The following PIR variants were observed in gnomAD, a reference collection of about 807,000 sequenced individuals.
PIR encodes pirin (iron-binding nuclear protein).
PIR carries 22 observed loss-of-function variants against 24.2 expected under a neutral mutation model. The ratio of observed to expected loss-of-function variants is 0.91; its 90% CI spans 0.65 to 1.30. The LOEUF is 1.30. PIR is among the 50% of genes most tolerant of loss of function. The pLI, the probability that PIR is intolerant of heterozygous loss-of-function variation, is 0.00. For missense variants in PIR, 220 were observed against 220.3 expected (o/e 1.00, Z 0.01); for synonymous variants, 80 against 79.6 (o/e 1.00, Z -0.03).
chrX:15,393,509 G>C (rs970884868), intron 8 of PIR, among the ~76,000 whole-genome samples: 1 of 110,911 alleles, frequency 9.0e-6, no homozygotes, highest in African/African-American at 3.3e-5. Context: ...TTAGGAACTG[G>C]GCTGCACAAC....
At chrX:15,471,667 T>C (rs2147073309) in intron 3 of PIR, among the ~76,000 whole-genome samples, 1 of 112,065 alleles carries the variant, frequency 8.9e-6, no homozygotes, top group East Asian at 2.8e-4. Flanking sequence ...ACTTATTGGT[T>C]AAGGCCTTAC....
intron 6 of PIR, among the ~76,000 whole-genome samples, chrX:15,410,954 T>A (rs1486807053): frequency 1.8e-5 from 2 of 112,660 alleles, no homozygotes; most frequent in African/African-American, 6.5e-5. Flanking sequence ...GAATGCTTAC[T>A]ATATGTTTAA....
At chrX:15,419,343 C>CTG (rs34664851) in intron 6 of PIR, among the ~76,000 whole-genome samples, 29,844 of 77,956 alleles carry the variant, frequency 0.38, 5,605 homozygotes, top group Non-Finnish European at 0.48. Context: ...ATGGATAAGT[C>CTG]TGTGTGTGTG....
Position 15,472,966 on chromosome X carries a change from A to G in PIR, c.189+6763T>C, listed in dbSNP as rs1018920695. Reference sequence around the variant, plus strand: ...CCCACAATAAACTTGGCAATAAGCCATTTAAAAAAGAAAAAAGGCATAGTT... The same window carrying G: ...CCCACAATAAACTTGGCAATAAGCCGTTTAAAAAAGAAAAAAGGCATAGTT... On this transcript the variant is annotated intron_variant, in intron 3 of 9. Transcript: ENST00000380420. 3.6e-5 allele frequency among the ~76,000 whole-genome samples: 4 copies of G among 112,519 alleles called. No homozygotes were observed. The East Asian group carries it at 1.1e-3, about 31-fold the overall frequency.
intron 1 of PIR, among the ~76,000 whole-genome samples, chrX:15,492,220 T>C (rs73635097): frequency 0.046 from 5,106 of 110,513 alleles, 308 homozygotes; most frequent in African/African-American, 0.15. Flanking sequence ...TCGAGGGTCA[T>C]TGAATTCAAA....
intron 3 of PIR, chrX:15,478,309 G>A (rs1465751214): frequency 8.9e-6 from 1 of 112,008 alleles, no homozygotes; most frequent in African/African-American, 3.2e-5. Flanking sequence ...AATATAATGC[G>A]ATGAGGACCA....
chrX:15,416,044 T>G (rs1340120839), intron 6 of PIR, among the ~76,000 whole-genome samples: 1 of 110,343 alleles, frequency 9.1e-6, no homozygotes, highest in Non-Finnish European at 1.9e-5. Flanking sequence ...ATTCAGAATA[T>G]ATAAAGAGCT....
chrX:15,484,306 CTTTTTT>C (rs1193474348), intron 2 of PIR, among the ~76,000 whole-genome samples: 11 of 67,482 alleles, frequency 1.6e-4, no homozygotes, highest in East Asian at 5.3e-4. Flanking sequence ...TCTCAATTTT[CTTTTTT>C]TTTTTTTTTT....
At chrX:15,396,495 G>A (rs3829997) in intron 8 of PIR, among the ~76,000 whole-genome samples, 53,745 of 110,129 alleles carry the variant, frequency 0.49, 9,945 homozygotes, top group Non-Finnish European at 0.59. Flanking sequence ...AGGAGCTTTT[G>A]CACAATTTTC....
At chrX:15,442,671 T>A (rs1024699643) in intron 5 of PIR, among the ~76,000 whole-genome samples, 2 of 112,077 alleles carry the variant, frequency 1.8e-5, no homozygotes, top group African/African-American at 6.5e-5. Context: ...TAATTGCTGA[T>A]ATGGAGAAAG....
intron 5 of PIR, among the ~76,000 whole-genome samples, chrX:15,451,400 GAA>G (rs75275359): frequency 1.0e-5 from 1 of 97,090 alleles, no homozygotes; most frequent in Non-Finnish European, 2.1e-5. Context: ...CACATTTAAA[GAA>G]AAAAAAAAAA....
rs191300075 is a variant in PIR, at chrX:15,411,911, C to T, written c.566-4361G>A. ...TTCACCTAGATTCCCCCAAAGCTAACATGTTAACATATATGCTTTATCATT... is the reference window on the plus strand; with the variant it reads ...TTCACCTAGATTCCCCCAAAGCTAATATGTTAACATATATGCTTTATCATT... On this transcript the variant is annotated intron_variant, in intron 6 of 9. Transcript: ENST00000380420. 4.2e-3 allele frequency among the ~76,000 whole-genome samples: 469 copies of T among 112,450 alleles called. 2 individuals carry two copies. The highest frequency in any genetic ancestry group is 0.015 in the African/African-American group (453 of 31,013).
At chrX:15,406,310 T>C (rs1020943099) in intron 7 of PIR, among the ~76,000 whole-genome samples, 1 of 112,258 alleles carries the variant, frequency 8.9e-6, no homozygotes, top group African/African-American at 3.2e-5. Context: ...ACAAGGAATT[T>C]ATCTGGGAGA....
chrX:15,407,609 C>T lies in PIR; in HGVS notation c.566-59G>A. On this transcript the variant is annotated intron_variant, in intron 6 of 9. Coordinates refer to ENST00000380420, the MANE Select transcript of PIR (RefSeq NM_001018109.3). ...TCCATAATGCCAAAAGGAACAAAGA[C>T]ATATACGTATTACAAACACAAAGAT... 4.8e-6 allele frequency: 4 copies of T among 827,725 alleles called. No homozygotes were observed. The South Asian group carries it at 8.5e-5, about 17-fold the overall frequency. 68.2% of individuals were successfully genotyped at this position (827,725 alleles called of 1,213,427 possible). A position where few individuals can be genotyped will look rare whatever the true frequency, so the allele number is the denominator to read the frequency against.
At chrX:15,482,465 T>A (rs1355256588) in intron 2 of PIR, among the ~76,000 whole-genome samples, 1 of 60,592 alleles carries the variant, frequency 1.7e-5, no homozygotes, top group Non-Finnish European at 2.9e-5. Context: ...TTTTTAAACA[T>A]GAATGGATGT....
In PIR at chrX:15,402,791, T is replaced by C. The variant is rs112542851; in HGVS notation, c.610+4715A>G. 1.2e-3 allele frequency among the ~76,000 whole-genome samples: 136 copies of C among 111,865 alleles called. 2 individuals are homozygous for C. The highest frequency in any genetic ancestry group is 4.1e-3 in the African/African-American group (127 of 30,825). On this transcript the variant is annotated intron_variant, in intron 7 of 9. Transcript: ENST00000380420. ...AAGAACTGAGAACATATGATGTTTG[T>C]CTTTCCGTGTCAAAGGCATTTCCTT...
At chrX:15,464,371 C>T (rs1921449601) in intron 3 of PIR, 1 of 742,567 alleles carries the variant, frequency 1.3e-6, no homozygotes, top group Non-Finnish European at 1.6e-6. Context: ...ACAATGGAAA[C>T]AACTTTTTTG....
intron 1 of PIR, among the ~76,000 whole-genome samples, chrX:15,492,490 A>G (rs1923216107): frequency 8.9e-6 from 1 of 111,896 alleles, no homozygotes. Flanking sequence ...CAGTACCCCC[A>G]ATCCCTTAAA....
rs985432719 is a variant in PIR at position 15,428,335 on chromosome X, G to T, written c.481-2345C>A. Among the ~76,000 whole-genome samples, 7 of 111,592 alleles carry T rather than the reference G, an allele frequency of 6.3e-5. No individual in the cohort carries two copies. In the Admixed American group the frequency reaches 6.7e-4, roughly 11 times the overall value. ...AAAGGGGCTGGTTTTGTCTGATGAG[G>T]ACTTCTAAAATTACCTCTAAAAAGA... On this transcript the variant is annotated intron_variant, in intron 5 of 9. Transcript: ENST00000380420.
Sources: allele counts gnomAD v4.1 joint callset (sites outside exome capture counted in the v4.1 genomes callset), GRCh38; gene constraint gnomAD v4.1.1; transcripts MANE v1.5; gene names NCBI Gene and HGNC (gene_info 2026-07-23, HGNC 2026-07-21).